PDZRN4: variants seen among roughly 807,000 people sequenced by gnomAD.
The protein encoded by PDZRN4 is PDZ domain containing ring finger 4.
PDZRN4 carries 70 observed loss-of-function variants against 99.0 expected under a neutral mutation model. That is an observed-to-expected ratio of 0.71 (90% CI 0.58 to 0.86). PDZRN4 has a LOEUF of 0.86. Among genes scored for constraint, PDZRN4 ranks in the 40% least tolerant of loss-of-function variants. PDZRN4 has a pLI of 0.00. For missense variants in PDZRN4, 1,474 were observed against 1,331.2 expected, an observed-to-expected ratio of 1.11 and a Z score of -1.67; for synonymous variants, 551 against 501.6, an observed-to-expected ratio of 1.10 and a Z score of -1.32.
chr12:41,398,272 G>C (rs1952264868), intron 3 of PDZRN4, among the ~76,000 whole-genome samples: 1 of 152,054 alleles, frequency 6.6e-6, no homozygotes, highest in Non-Finnish European at 1.5e-5. Flanking sequence ...TGAAACTAGA[G>C]TTTTAAATTA....
chr12:41,467,866 C>T (rs1289800834), intron 3 of PDZRN4, among the ~76,000 whole-genome samples: 2 of 152,090 alleles, frequency 1.3e-5, no homozygotes, highest in Non-Finnish European at 2.9e-5. Context: ...TGGTGTATTC[C>T]CCTTTTTGTT....
intron 5 of PDZRN4, among the ~76,000 whole-genome samples, chr12:41,531,239 G>A (rs1257974941): frequency 6.6e-6 from 1 of 152,112 alleles, no homozygotes; most frequent in East Asian, 1.9e-4. Flanking sequence ...AGATGAGGGA[G>A]CCAGAAGGGA....
intron 5 of PDZRN4, among the ~76,000 whole-genome samples, chr12:41,523,548 C>T (rs1938525972): frequency 6.6e-6 from 1 of 152,082 alleles, no homozygotes; most frequent in African/African-American, 2.4e-5. Flanking sequence ...GCACCTAGTT[C>T]GTATTAGAGA....
chr12:41,360,508 A>G (rs1018438336), intron 3 of PDZRN4, among the ~76,000 whole-genome samples: 1 of 152,040 alleles, frequency 6.6e-6, no homozygotes, highest in Non-Finnish European at 1.5e-5. Context: ...ACTTTTAAAA[A>G]TACCACAAGT....
chr12:41,446,078 G>T (rs77300365), intron 3 of PDZRN4, among the ~76,000 whole-genome samples: 1 of 151,890 alleles, frequency 6.6e-6, no homozygotes, highest in South Asian at 2.1e-4. Flanking sequence ...AAGCTTAAAA[G>T]GTAGCAGCCC....
At chr12:41,209,888 T>G (rs1458872109) in intron 3 of PDZRN4, among the ~76,000 whole-genome samples, 4 of 148,120 alleles carry the variant, frequency 2.7e-5, no homozygotes, top group Admixed American at 1.4e-4. Flanking sequence ...GGTCAAATGG[T>G]ATTTCTTGTT....
In PDZRN4 at chr12:41,518,439, A is replaced by G. The variant is rs186219546; in HGVS notation, c.1203+8526A>G. On this transcript the variant is annotated intron_variant, in intron 5 of 9. Coordinates refer to ENST00000402685, the MANE Select transcript of PDZRN4 (RefSeq NM_001164595.2). ...TTGGGGGTTTCAGCAATTTTTCCAGATTTTATTTAAATCATTAAGAGCTAT... is the reference window on the plus strand; with the variant it reads ...TTGGGGGTTTCAGCAATTTTTCCAGGTTTTATTTAAATCATTAAGAGCTAT... 5.9e-5 allele frequency among the ~76,000 whole-genome samples: 9 copies of G among 152,108 alleles called. No individual in the cohort carries two copies. The East Asian group carries it at 1.7e-3, about 30-fold the overall frequency.
At chr12:41,195,528 T>C (rs7954881) in intron 3 of PDZRN4, among the ~76,000 whole-genome samples, 85,761 of 151,848 alleles carry the variant, frequency 0.56, 25,299 homozygotes, top group South Asian at 0.68. Flanking sequence ...AGTTTGCTGT[T>C]TTGGGAAAAA....
chr12:41,508,211 C>T (rs1448018866), intron 4 of PDZRN4, among the ~76,000 whole-genome samples: 1 of 152,060 alleles, frequency 6.6e-6, no homozygotes, highest in Non-Finnish European at 1.5e-5. Flanking sequence ...CAGGGCCAGG[C>T]TTCTAGGCCT....
At chr12:41,280,619 C>T (rs1252571380) in intron 3 of PDZRN4, among the ~76,000 whole-genome samples, 1 of 152,150 alleles carries the variant, frequency 6.6e-6, no homozygotes, top group Non-Finnish European at 1.5e-5. Flanking sequence ...GGGTGGAGCC[C>T]ACCGCAGCTC....
intron 5 of PDZRN4, among the ~76,000 whole-genome samples, chr12:41,535,803 A>T (rs1938739018): frequency 6.6e-6 from 1 of 152,158 alleles, no homozygotes; most frequent in Admixed American, 6.5e-5. Flanking sequence ...ATGCAACATG[A>T]GGTTCTTCAC....
intron 3 of PDZRN4, among the ~76,000 whole-genome samples, chr12:41,225,435 GT>G (rs35906953): frequency 1.7e-4 from 26 of 149,110 alleles, no homozygotes; most frequent in African/African-American, 4.2e-4. Flanking sequence ...ATTACACTGT[GT>G]TTTTTTTTTC....
At chr12:41,210,475 TTAAAA>T (rs1950881324) in intron 3 of PDZRN4, among the ~76,000 whole-genome samples, 1 of 152,018 alleles carries the variant, frequency 6.6e-6, no homozygotes, top group South Asian at 2.1e-4. Context: ...AAGGGAAGTG[TTAAAA>T]TATACTTAAA....
At chr12:41,234,338 A>C (rs912057381) in intron 3 of PDZRN4, among the ~76,000 whole-genome samples, 1 of 152,130 alleles carries the variant, frequency 6.6e-6, no homozygotes, top group Non-Finnish European at 1.5e-5. Flanking sequence ...ATAGAAACTC[A>C]AGACCATTGG....
chr12:41,216,831 AT>A (rs1252675610), intron 3 of PDZRN4, among the ~76,000 whole-genome samples: 6 of 152,196 alleles, frequency 3.9e-5, no homozygotes, highest in East Asian at 1.9e-4. Context: ...CGTTAAAAAA[AT>A]AATCACCAAA....
chr12:41,488,036 T>C (rs1937809373), intron 3 of PDZRN4, among the ~76,000 whole-genome samples: 3 of 152,190 alleles, frequency 2.0e-5, no homozygotes. Context: ...AAAATAACAG[T>C]ATGCAGTCAT....
intron 2 of PDZRN4, among the ~76,000 whole-genome samples, chr12:41,192,158 T>C (rs1950739626): frequency 6.6e-6 from 1 of 152,092 alleles, no homozygotes; most frequent in South Asian, 2.1e-4. Context: ...CAGGCTGGAG[T>C]GCAGTAGCGT....
At chr12:41,268,854 A>T (rs1951296140) in intron 3 of PDZRN4, among the ~76,000 whole-genome samples, 1 of 152,230 alleles carries the variant, frequency 6.6e-6, no homozygotes, top group Non-Finnish European at 1.5e-5. Context: ...GACACAAAGA[A>T]CAAATCATTG....
chr12:41,573,648 C>T lies in PDZRN4; in HGVS notation c.2869C>T (p.Arg957Cys), dbSNP rs1263769082. 2 of 1,614,018 alleles carry T rather than the reference C, an allele frequency of 1.2e-6. No homozygotes were observed. The highest frequency in any genetic ancestry group is 1.7e-6 in the Non-Finnish European group (2 of 1,180,006). The change falls in exon 10 of 10, where the codon CGC (arginine) becomes TGC (cysteine). Residue 957 changes from arginine to cysteine, a missense_variant. Transcript: ENST00000402685. The stretch of plus-strand genomic sequence containing the variant: ...GCACCTGGTTAGGGCCAAAGAGCAG[C>T]GCCGTCGCCGTGAGTTCATGATGCG... The part of the protein sequence containing the change: ...KQHLVRAKEQ[R>C]RRREFMMRSR...
Sources: allele counts gnomAD v4.1 joint callset (sites outside exome capture counted in the v4.1 genomes callset), GRCh38; gene constraint gnomAD v4.1.1; transcripts MANE v1.5; gene names NCBI Gene and HGNC (gene_info 2026-07-23, HGNC 2026-07-21).